The following NSD2 variants were observed in gnomAD, a reference collection of about 807,000 sequenced individuals.
NSD2 encodes the protein nuclear receptor binding SET domain protein 2.
A neutral mutation model predicts 139.0 loss-of-function variants in NSD2; 12 were observed. The observed-to-expected ratio is 0.09, with a 90% CI of 0.06 to 0.14. NSD2 has a LOEUF of 0.14. Among genes scored for constraint, NSD2 ranks in the 10% least tolerant of loss-of-function variants. The probability of loss-of-function intolerance (pLI) is 1.00; values close to 1 mark genes in which losing one functional copy is unlikely to be tolerated. For synonymous variants in NSD2, 669 were observed against 648.7 expected, an observed-to-expected ratio of 1.03 and a Z score of -0.48; for missense variants, 1,155 against 1,745.0, an observed-to-expected ratio of 0.66 and a Z score of 6.02.
Position 1,971,895 on chromosome 4 carries a change from A to G in NSD2, c.3373-2968A>G, listed in dbSNP as rs145564664. 3.3e-5 allele frequency among the ~76,000 whole-genome samples: 5 copies of G among 152,348 alleles called. 1 individual carries two copies. The highest frequency in any genetic ancestry group is 4.1e-4 in the South Asian group (2 of 4,822). On this transcript the variant is annotated intron_variant, in intron 18 of 21. Transcript: ENST00000508803. ...GAAAACTTCCCAAGAAACCAGGACT[A>G]CAAGTATGCTTAGCTTGCTAAAAGA...
Position 1,948,064 on chromosome 4 carries a change from G to T in NSD2, c.1882-3008G>T. On this transcript the variant is annotated intron_variant, in intron 9 of 21. Transcript: ENST00000508803. This position sits in a 1 kb window ranked among gnomAD's most constrained non-coding sequence, Gnocchi z 4.5. ...ATAGATCAAGGAGACTGCATTCCCT[G>T]CCCTGAAGGAATGTATTTCTAAGGC... The T allele has an allele frequency of 9.5e-7, 1 of 1,057,362 alleles. No individual in the cohort carries two copies. The highest frequency in any genetic ancestry group is 4.3e-4 in the Middle Eastern group (1 of 2,352). 65.5% of individuals were successfully genotyped at this position (1,057,362 alleles called of 1,614,324 possible). A position where few individuals can be genotyped will look rare whatever the true frequency, so the allele number is the denominator to read the frequency against.
chr4:1,945,046 A>C, intron 9 of NSD2: 1 of 1,065,984 alleles, frequency 9.4e-7, no homozygotes, highest in Non-Finnish European at 1.1e-6. Context: ...GTCCTTGGAC[A>C]GGAGTCGGGG....
intron 1 of NSD2, among the ~76,000 whole-genome samples, chr4:1,872,358 C>G (rs1481107326): frequency 2.0e-5 from 3 of 152,164 alleles, no homozygotes; most frequent in African/African-American, 7.2e-5. Context: ...TTTTGCTCCA[C>G]TCACAGGAAC....
Position 1,924,228 on chromosome 4 carries a change from C to T in NSD2, c.1410+5605C>T, listed in dbSNP as rs141752298. On this transcript the variant is annotated intron_variant, in intron 5 of 21. Transcript: ENST00000508803. Reference sequence around the variant, plus strand: ...TAATCAGCAATGTGTGTACAGCCACCGTTTCAGGCATGTTGGGGGAGGGTG... The same window carrying T: ...TAATCAGCAATGTGTGTACAGCCACTGTTTCAGGCATGTTGGGGGAGGGTG... 2.6e-3 allele frequency among the ~76,000 whole-genome samples: 396 copies of T among 152,238 alleles called. 1 individual carries two copies. Among genetic ancestry groups the T allele is most frequent in the African/African-American group, 9.1e-3 (377 of 41,550 alleles).
intron 12 of NSD2, among the ~76,000 whole-genome samples, chr4:1,953,920 C>T (rs1276024005): frequency 5.3e-5 from 8 of 151,782 alleles, no homozygotes; most frequent in African/African-American, 1.9e-4. Context: ...AAGCTGTCCT[C>T]CTGCCTCAGC....
At chr4:1,913,825 CTT>C (rs1190655413) in intron 3 of NSD2, among the ~76,000 whole-genome samples, 1 of 151,992 alleles carries the variant, frequency 6.6e-6, no homozygotes, top group Non-Finnish European at 1.5e-5. Context: ...TCTTCAATCT[CTT>C]TGTCTTGTGT....
At chr4:1,968,241 A>C (rs780631652) in intron 18 of NSD2, among the ~76,000 whole-genome samples, 3 of 152,238 alleles carry the variant, frequency 2.0e-5, no homozygotes, top group African/African-American at 4.8e-5. Context: ...TCCAAGAAGT[A>C]ACAGTGAACA....
At position 1,942,323 on chromosome 4, in the gene NSD2, C is replaced by T; in HGVS notation, c.1881+2545C>T. ...GTAGAGCAAATTCTTATTTTTTTCG[C>T]CTTCACTGGTAACAGCTTTTGTGGG... On this transcript the variant is annotated intron_variant, in intron 9 of 21. Transcript: ENST00000508803. This position sits in a 1 kb window ranked among gnomAD's most constrained non-coding sequence, Gnocchi z 4.0. 6.2e-7 allele frequency: 1 copy of T among 1,612,114 alleles called. No homozygotes were observed. Among genetic ancestry groups the T allele is most frequent in the Non-Finnish European group, 8.5e-7 (1 of 1,179,454 alleles).
chr4:1,917,024 C>T lies in NSD2; in HGVS notation c.914C>T (p.Ala305Val), dbSNP rs1260679780. 4 of 1,612,480 alleles carry T rather than the reference C, an allele frequency of 2.5e-6. No homozygotes were observed. Among genetic ancestry groups the T allele is most frequent in the Admixed American group, 1.7e-5 (1 of 59,626 alleles). The change falls in exon 4 of 22, where the codon GCT becomes GTT. Residue 305 changes from alanine (A) to valine (V), a missense_variant. Ala to Val is a moderately conservative substitution (Grantham distance 64). This residue lies in a region of NSD2 where 420 missense variants were observed against 469.0 expected (regional missense o/e 0.90). Coordinates refer to ENST00000508803, the MANE Select transcript of NSD2 (RefSeq NM_001042424.3). ...AGTGCCAAGCAGGCACCCACGAAAG[C>T]TGAGAAAATTAAGGTGATAGATGAC... ...QESAKQAPTK[A>V]EKIKLLKPIS...
chr4:1,949,147 G>C (rs1008547138), intron 9 of NSD2, among the ~76,000 whole-genome samples: 17 of 152,204 alleles, frequency 1.1e-4, no homozygotes, highest in African/African-American at 3.9e-4. Flanking sequence ...GTCCATATCT[G>C]ATGCGCTTGT....
intron 1 of NSD2, among the ~76,000 whole-genome samples, chr4:1,876,070 C>G (rs1714233737): frequency 6.8e-6 from 1 of 146,370 alleles, no homozygotes; most frequent in African/African-American, 2.5e-5. Flanking sequence ...AAAAAATAAG[C>G]TGGGCATGGT....
chr4:1,941,793 C>T, intron 9 of NSD2: 1 of 1,050,096 alleles, frequency 9.5e-7, no homozygotes, highest in Non-Finnish European at 1.1e-6. Context: ...GCTGTTAAAA[C>T]TACTTTAGGT....
In NSD2 at chr4:1,917,000, G is replaced by C; in HGVS notation, c.890G>C (p.Ser297Thr). Reference protein sequence around the residue: ...EGQFEKLCQESAKQAPTKAEK... With the variant: ...EGQFEKLCQETAKQAPTKAEK... ...CAGTTTGAAAAATTATGCCAGGAAA[G>C]TGCCAAGCAGGCACCCACGAAAGCT... The change falls in exon 4 of 22, where the codon AGT (serine) becomes ACT (threonine). Residue 297 changes from serine to threonine, a missense_variant. This residue lies in a region of NSD2 where 420 missense variants were observed against 469.0 expected (regional missense o/e 0.90). Coordinates refer to ENST00000508803, the MANE Select transcript of NSD2 (RefSeq NM_001042424.3). The C allele has an allele frequency of 6.2e-7, 1 of 1,614,098 alleles. No homozygotes were observed. The highest frequency in any genetic ancestry group is 8.5e-7 in the Non-Finnish European group (1 of 1,179,980).
At chr4:1,951,003 G>T in intron 9 of NSD2, 69 bp from the exon 10 acceptor site, 2 of 1,587,940 alleles carry the variant, frequency 1.3e-6, no homozygotes, top group Admixed American at 3.4e-5. Context: ...GGACGAGCCT[G>T]CCTGCAGGGC....
At chr4:1,951,605 G>T (rs1256522989) in intron 10 of NSD2, among the ~76,000 whole-genome samples, 1 of 151,934 alleles carries the variant, frequency 6.6e-6, no homozygotes, top group South Asian at 2.1e-4. Context: ...CCAGGCTGTG[G>T]GCTGAGGGGG....
intron 12 of NSD2, 49 bp downstream of exon 12, chr4:1,953,573 A>G (rs1401954407): frequency 1.9e-6 from 3 of 1,542,438 alleles, no homozygotes; most frequent in Non-Finnish European, 2.6e-6. Context: ...TGCAGGCCAG[A>G]CGCAGGCCCA....
intron 19 of NSD2, 43 bp downstream of exon 19, chr4:1,975,047 G>T: frequency 6.2e-7 from 1 of 1,612,748 alleles, no homozygotes; most frequent in Non-Finnish European, 8.5e-7. Context: ...TGGCTATGGG[G>T]GCAGAGTGGC....
intron 18 of NSD2, among the ~76,000 whole-genome samples, chr4:1,964,333 C>T (rs937333051): frequency 6.6e-6 from 1 of 152,202 alleles, no homozygotes; most frequent in Middle Eastern, 3.4e-3. Context: ...ACCACAGTTG[C>T]ACCAGAAGGA....
rs765535552 is a variant in NSD2 at position 1,907,615 on chromosome 4, C to CTTTTTT, written c.760+3255_760+3260dup. On this transcript the variant is annotated intron_variant, in intron 3 of 21. Coordinates refer to ENST00000508803, the MANE Select transcript of NSD2 (RefSeq NM_001042424.3). ...ACATCTTGTTCTACCTGTTGAATCT[C>CTTTTTT]TTTTTTTTTTTTTTTTTTTTTTTGT... Among the ~76,000 whole-genome samples the CTTTTTT allele has an allele frequency of 4.3e-4, 40 of 93,654 alleles. 1 individual carries two copies. The highest frequency in any genetic ancestry group is 8.1e-4 in the South Asian group (2 of 2,474). 61.4% of individuals were successfully genotyped at this position (93,654 alleles called of 152,430 possible).
Sources: allele counts gnomAD v4.1 joint callset (sites outside exome capture counted in the v4.1 genomes callset), GRCh38; gene constraint gnomAD v4.1.1; regional missense constraint gnomAD v4.1.1; non-coding constraint Gnocchi (gnomAD v3.1); transcripts MANE v1.5; gene names NCBI Gene and HGNC (gene_info 2026-07-23, HGNC 2026-07-21).